The following ITGB5 variants were observed in gnomAD, a reference collection of about 807,000 sequenced individuals.
ITGB5 encodes integrin beta-5.
Under a neutral mutation model 84.8 loss-of-function variants are expected in ITGB5, and 38 were observed. The observed-to-expected ratio is 0.45, with a 90% confidence interval of 0.35 to 0.59. ITGB5 has a LOEUF of 0.59. Ranked by LOEUF, ITGB5 falls within the 20% of genes least tolerant of loss-of-function variation. The pLI, the probability that ITGB5 is intolerant of heterozygous loss-of-function variation, is 0.01. For missense variants in ITGB5, 905 were observed against 1,034.5 expected, an observed-to-expected ratio of 0.87 and a Z score of 1.72; for synonymous variants, 393 against 414.4, an observed-to-expected ratio of 0.95 and a Z score of 0.63.
At chr3:124,765,437 G>A (rs982119145) in intron 13 of ITGB5, among the ~76,000 whole-genome samples, 5 of 152,212 alleles carry the variant, frequency 3.3e-5, no homozygotes, top group Admixed American at 1.3e-4. Context: ...CGCCCAGGCT[G>A]TGTGTGGAGC....
chr3:124,791,114 AG>A (rs1441896594), intron 10 of ITGB5: 1 of 152,248 alleles, frequency 6.6e-6, no homozygotes, highest in Non-Finnish European at 1.5e-5. Context: ...AGAAACTCAA[AG>A]TTTGAGCAAG....
intron 5 of ITGB5, among the ~76,000 whole-genome samples, chr3:124,839,305 A>G (rs1230888735): frequency 6.6e-6 from 1 of 152,208 alleles, no homozygotes; most frequent in East Asian, 1.9e-4. Context: ...AAAATCTGCT[A>G]GCATCGCCTC....
chr3:124,858,133 CAA>C (rs63273260), intron 3 of ITGB5, among the ~76,000 whole-genome samples: 19,091 of 83,490 alleles, frequency 0.23, 1,323 homozygotes, highest in South Asian at 0.31. Flanking sequence ...TACCCCATCT[CAA>C]AAAAAAAAAA....
At chr3:124,841,812 CAG>C (rs2065015402) in intron 4 of ITGB5, among the ~76,000 whole-genome samples, 1 of 152,208 alleles carries the variant, frequency 6.6e-6, no homozygotes. Context: ...TCAAAGGAAA[CAG>C]AGATAATAGT....
At chr3:124,782,904 G>A (rs2064024861) in intron 10 of ITGB5, among the ~76,000 whole-genome samples, 1 of 152,036 alleles carries the variant, frequency 6.6e-6, no homozygotes. Flanking sequence ...ATGGAGGAAA[G>A]GGGAGCTTGC....
intron 2 of ITGB5, among the ~76,000 whole-genome samples, chr3:124,865,023 T>G (rs746319042): frequency 6.6e-6 from 1 of 152,188 alleles, no homozygotes; most frequent in Non-Finnish European, 1.5e-5. Flanking sequence ...CTTTGCAGCA[T>G]GTGCCGCCTC....
chr3:124,818,219 C>T (rs895442384), intron 7 of ITGB5, among the ~76,000 whole-genome samples: 2 of 152,176 alleles, frequency 1.3e-5, no homozygotes, highest in African/African-American at 4.8e-5. Context: ...CCACGGACCT[C>T]TGAGGTCCTG....
chr3:124,777,218 T>A (rs2150941804), intron 10 of ITGB5, among the ~76,000 whole-genome samples: 1 of 152,294 alleles, frequency 6.6e-6, no homozygotes, highest in South Asian at 2.1e-4. Flanking sequence ...AGGCCAGAGC[T>A]GCTGGCCATT....
At chr3:124,893,869 T>G (rs965980817) in intron 1 of ITGB5, among the ~76,000 whole-genome samples, 1 of 152,158 alleles carries the variant, frequency 6.6e-6, no homozygotes, top group African/African-American at 2.4e-5. Flanking sequence ...CTCTTTGGTG[T>G]TGTTGCTCTT....
At chr3:124,785,681 C>T (rs1435703797) in intron 10 of ITGB5, among the ~76,000 whole-genome samples, 1 of 151,982 alleles carries the variant, frequency 6.6e-6, no homozygotes, top group Non-Finnish European at 1.5e-5. Context: ...CTAAGAAGAG[C>T]TCTATGTCTT....
At position 124,874,270 on chromosome 3, in the gene ITGB5, C is replaced by G. The variant is rs942595503; in HGVS notation, c.71-739G>C. 3.5e-5 allele frequency among the ~76,000 whole-genome samples: 5 copies of G among 143,168 alleles called. No individual in the cohort carries two copies. In the East Asian group the frequency reaches 1.0e-3, roughly 30 times the overall value. The allele number at this position is 143,168 out of a possible 152,430, so 93.9% of individuals were successfully genotyped here. ...CCATGATCGTACCACTGCACTCCAG[C>G]CTGGGCAACAGAGGGAGACCCAGTC... On this transcript the variant is annotated intron_variant, in intron 1 of 14. Transcript: ENST00000296181.
chr3:124,779,098 G>A (rs2150944348), intron 10 of ITGB5, among the ~76,000 whole-genome samples: 1 of 152,306 alleles, frequency 6.6e-6, no homozygotes, highest in South Asian at 2.1e-4. Context: ...TGGGGCATCA[G>A]GACACGGGAG....
rs774174525 is a variant in ITGB5, at chr3:124,809,176, G to A, written c.1129-20C>T. 6.2e-7 allele frequency: 1 copy of A among 1,613,574 alleles called. No individual in the cohort carries two copies. Among genetic ancestry groups the A allele is most frequent in the Admixed American group, 1.7e-5 (1 of 59,944 alleles). On this transcript the variant is annotated intron_variant, in intron 8 of 14. Transcript: ENST00000296181. Reference sequence around the variant, plus strand: ...GATACTCTGAATGGAGAGAGAAAATGAAGCCCAACCATTTAATAAAGGCTG... The same window carrying A: ...GATACTCTGAATGGAGAGAGAAAATAAAGCCCAACCATTTAATAAAGGCTG...
chr3:124,824,260 G>A (rs1295709617), intron 5 of ITGB5, among the ~76,000 whole-genome samples: 2 of 151,934 alleles, frequency 1.3e-5, no homozygotes, highest in Admixed American at 1.3e-4. Flanking sequence ...AGTGGACTGG[G>A]ATAGATAGAG....
chr3:124,772,449 C>A (rs529887338), intron 11 of ITGB5, among the ~76,000 whole-genome samples: 13 of 152,316 alleles, frequency 8.5e-5, no homozygotes, highest in Non-Finnish European at 1.5e-4. Flanking sequence ...AGCATGAACT[C>A]ATTTCATTAT....
intron 10 of ITGB5, among the ~76,000 whole-genome samples, chr3:124,780,276 G>A (rs2063985346): frequency 1.3e-5 from 2 of 152,220 alleles, no homozygotes; most frequent in African/African-American, 4.8e-5. Flanking sequence ...GCCCAAGGCA[G>A]CCATGGGTGA....
At chr3:124,883,929 G>T (rs1223225501) in intron 1 of ITGB5, among the ~76,000 whole-genome samples, 4 of 152,122 alleles carry the variant, frequency 2.6e-5, no homozygotes, top group African/African-American at 9.7e-5. Flanking sequence ...GGAGGGGGTT[G>T]TCAGCCGGCC....
At chr3:124,808,292 G>A (rs1169951065) in intron 9 of ITGB5, among the ~76,000 whole-genome samples, 1 of 152,148 alleles carries the variant, frequency 6.6e-6, no homozygotes, top group African/African-American at 2.4e-5. Context: ...TCTGTTTTCT[G>A]AGCACTGGAC....
chr3:124,764,011 C>T (rs1021619767), intron 14 of ITGB5, among the ~76,000 whole-genome samples: 19 of 152,346 alleles, frequency 1.2e-4, no homozygotes, highest in East Asian at 9.6e-4. Flanking sequence ...AAACTGACTG[C>T]GCTCAGTCCT....
Sources: allele counts gnomAD v4.1 joint callset (sites outside exome capture counted in the v4.1 genomes callset), GRCh38; gene constraint gnomAD v4.1.1; transcripts MANE v1.5; gene names NCBI Gene and HGNC (gene_info 2026-07-23, HGNC 2026-07-21).